Variants in RNF144A observed in about 807,000 individuals in gnomAD.
RNF144A encodes ring finger protein 144A.
A neutral mutation model predicts 38.7 loss-of-function variants in RNF144A; 11 were observed. The ratio of observed to expected loss-of-function variants is 0.28; its 90% CI spans 0.18 to 0.47. RNF144A has a LOEUF of 0.47. RNF144A is among the 20% of genes least tolerant of loss of function. The pLI, the probability that RNF144A is intolerant of heterozygous loss-of-function variation, is 0.99. For synonymous variants in RNF144A, 149 were observed against 143.9 expected (o/e 1.04, Z -0.25); for missense variants, 316 against 377.2 (o/e 0.84, Z 1.34).
chr2:6,998,995 CT>C (rs1242111798), intron 3 of RNF144A, among the ~76,000 whole-genome samples: 1 of 152,156 alleles, frequency 6.6e-6, no homozygotes, highest in Non-Finnish European at 1.5e-5. Context: ...TTCTCCCTGG[CT>C]TTTTTGCTGA....
chr2:6,946,349 A>T (rs1008208274), intron 2 of RNF144A, among the ~76,000 whole-genome samples: 1 of 152,236 alleles, frequency 6.6e-6, no homozygotes, highest in Non-Finnish European at 1.5e-5. Flanking sequence ...ATAATTTGTT[A>T]TAAAATGGGT....
chr2:7,019,078 A>G lies in RNF144A; in HGVS notation c.302-1395A>G, dbSNP rs115592944. ...GCTGCGACAGAAACCCAGAAACAACATGGTCCTCAGACTTAGATGATGACT... is the reference window on the plus strand; with the variant it reads ...GCTGCGACAGAAACCCAGAAACAACGTGGTCCTCAGACTTAGATGATGACT... On this transcript the variant is annotated intron_variant, in intron 5 of 8. Transcript: ENST00000320892. Among the ~76,000 whole-genome samples the G allele has an allele frequency of 8.8e-4, 134 of 152,326 alleles. 1 individual carries two copies. The highest frequency in any genetic ancestry group is 7.3e-3 in the South Asian group (35 of 4,826).
chr2:7,018,197 G>A (rs1671268407), intron 5 of RNF144A, among the ~76,000 whole-genome samples: 1 of 152,208 alleles, frequency 6.6e-6, no homozygotes, highest in African/African-American at 2.4e-5. Context: ...TGAGACGGAA[G>A]GGTCCCTAGC....
intron 2 of RNF144A, among the ~76,000 whole-genome samples, chr2:6,957,443 A>G (rs2103323868): frequency 6.6e-6 from 1 of 152,210 alleles, no homozygotes; most frequent in East Asian, 1.9e-4. Flanking sequence ...GAATGTGATT[A>G]TGTGTGGGTA....
chr2:6,919,615 CT>C (rs34204483), intron 1 of RNF144A, among the ~76,000 whole-genome samples: 122,038 of 151,940 alleles, frequency 0.8, 50,509 homozygotes, highest in Non-Finnish European at 0.92. Flanking sequence ...TGTGGTGTGC[CT>C]TACTGTGGCT....
chr2:6,930,553 CTT>C (rs1297418840), intron 1 of RNF144A, among the ~76,000 whole-genome samples: 1 of 151,834 alleles, frequency 6.6e-6, no homozygotes, highest in African/African-American at 2.4e-5. Flanking sequence ...GATACACACA[CTT>C]TATCTATCTG....
At chr2:6,990,625 G>T (rs1170309706) in intron 2 of RNF144A, among the ~76,000 whole-genome samples, 1 of 150,724 alleles carries the variant, frequency 6.6e-6, no homozygotes, top group East Asian at 1.9e-4. Flanking sequence ...TTCTAGATGT[G>T]CTAAATCTCC....
intron 2 of RNF144A, among the ~76,000 whole-genome samples, chr2:6,996,399 T>C (rs1254097467): frequency 6.6e-6 from 1 of 152,130 alleles, no homozygotes; most frequent in Non-Finnish European, 1.5e-5. Flanking sequence ...AGGATGGGTG[T>C]GTGGGTGAGT....
chr2:7,071,592 A>G (rs1674486523), downstream of RNF144A, among the ~76,000 whole-genome samples: 2 of 152,366 alleles, frequency 1.3e-5, no homozygotes. Flanking sequence ...ACAGGTAAAT[A>G]CCATTGTGGG....
At chr2:6,977,358 A>G (rs1668378271) in intron 2 of RNF144A, among the ~76,000 whole-genome samples, 1 of 152,236 alleles carries the variant, frequency 6.6e-6, no homozygotes, top group Non-Finnish European at 1.5e-5. Flanking sequence ...AGTTAATGAC[A>G]CGAAAGCACA....
chr2:7,030,177 G>A lies in RNF144A; in HGVS notation c.709G>A (p.Gly237Ser), dbSNP rs765597295. The change falls in exon 8 of 9, where the codon GGC (glycine) becomes AGC (serine). Residue 237 changes from glycine (G) to serine (S), a missense_variant. By Grantham distance (56) the Gly-to-Ser change is moderately conservative. Coordinates refer to ENST00000320892, the MANE Select transcript of RNF144A (RefSeq NM_014746.6). ...YDKGPCRNKLGHSRASVIWHR... is the reference protein window; with the variant it reads ...YDKGPCRNKLSHSRASVIWHR... ...TAAGGGACCCTGCCGGAACAAGCTG[G>A]GCCACTCCCGGGCATCTGTGATCTG... The A allele has an allele frequency of 1.9e-6, 3 of 1,613,954 alleles. No homozygotes were observed. In the Admixed American group the frequency reaches 5.0e-5, roughly 27 times the overall value.
chr2:6,927,085 G>T (rs185637261), intron 1 of RNF144A, among the ~76,000 whole-genome samples: 3 of 152,164 alleles, frequency 2.0e-5, no homozygotes, highest in African/African-American at 7.2e-5. Flanking sequence ...TGTTGGTCCC[G>T]TGAGATTGCC....
At chr2:7,048,124 A>T (rs1196068891), downstream of RNF144A, among the ~76,000 whole-genome samples, 1 of 152,164 alleles carries the variant, frequency 6.6e-6, no homozygotes, top group Non-Finnish European at 1.5e-5. Context: ...AGCCAGCAAG[A>T]TGAATGAGAA....
intron 6 of RNF144A, among the ~76,000 whole-genome samples, chr2:7,055,548 C>T (rs919956280): frequency 6.6e-5 from 10 of 152,158 alleles, no homozygotes; most frequent in African/African-American, 2.4e-4. Flanking sequence ...AATTTTACCC[C>T]TAAATACCTC....
At chr2:7,070,671 A>G (rs76295850), downstream of RNF144A, among the ~76,000 whole-genome samples, 2,421 of 152,292 alleles carry the variant, frequency 0.016, 89 homozygotes, top group African/African-American at 0.055. Flanking sequence ...ATCTGGACAC[A>G]TACACCCAGA....
In RNF144A at chr2:6,934,907, A is replaced by G. The variant is rs116782583; in HGVS notation, c.-211-6041A>G. On this transcript the variant is annotated intron_variant, in intron 1 of 8. Coordinates refer to ENST00000320892, the MANE Select transcript of RNF144A (RefSeq NM_014746.6). Reference sequence around the variant, plus strand: ...TTGCAGTAGCTGTGCTTTTGCCAATATTGTGCATATCACCGCCAAGTTCAG... The same window carrying G: ...TTGCAGTAGCTGTGCTTTTGCCAATGTTGTGCATATCACCGCCAAGTTCAG... 4.1e-3 allele frequency among the ~76,000 whole-genome samples: 627 copies of G among 152,132 alleles called. 5 individuals are homozygous for G. The highest frequency in any genetic ancestry group is 0.015 in the African/African-American group (602 of 41,498).
At chr2:7,021,741 GAC>G (rs2103431158) in intron 6 of RNF144A, among the ~76,000 whole-genome samples, 1 of 152,348 alleles carries the variant, frequency 6.6e-6, no homozygotes, top group East Asian at 1.9e-4. Context: ...ATGAGCTCCT[GAC>G]ACACAGGGCC....
intron 8 of RNF144A, among the ~76,000 whole-genome samples, chr2:7,030,513 G>A (rs999051519): frequency 1.3e-5 from 2 of 152,060 alleles, no homozygotes; most frequent in Non-Finnish European, 2.9e-5. Context: ...CGGGACTCAT[G>A]GCCTTGGTCA....
intron 8 of RNF144A, among the ~76,000 whole-genome samples, chr2:7,032,380 C>T (rs988157298): frequency 2.0e-5 from 3 of 152,284 alleles, no homozygotes; most frequent in African/African-American, 7.2e-5. Context: ...CTCGAATCCG[C>T]GCCCCTTGCA....
Sources: gnomAD v4.1 joint callset for allele counts (sites outside exome capture counted in the v4.1 genomes callset) on GRCh38, gnomAD v4.1.1 for gene constraint, MANE v1.5 for transcripts, NCBI Gene and HGNC (gene_info 2026-07-23, HGNC 2026-07-21) for gene names.